Variants in ATL2 observed in about 807,000 individuals in gnomAD.
ATL2 encodes atlastin-2.
Under a neutral mutation model 73.9 loss-of-function variants are expected in ATL2, and 31 were observed. The ratio of observed to expected loss-of-function variants is 0.42; its 90% CI spans 0.32 to 0.57. The LOEUF is 0.57. Among genes scored for constraint, ATL2 ranks in the 20% least tolerant of loss-of-function variants. The probability of loss-of-function intolerance (pLI) is 0.14; values close to 1 mark genes in which losing one functional copy is unlikely to be tolerated. For synonymous variants in ATL2, 291 were observed against 237.5 expected (o/e 1.23, Z -2.07); for missense variants, 738 against 702.6 (o/e 1.05, Z -0.57).
intron 1 of ATL2, among the ~76,000 whole-genome samples, chr2:38,361,076 A>T (rs755157667): frequency 1.3e-5 from 2 of 152,108 alleles, no homozygotes; most frequent in Non-Finnish European, 2.9e-5. Context: ...TCAAGCAGCC[A>T]GGCGCGGTGG....
intron 1 of ATL2, among the ~76,000 whole-genome samples, chr2:38,373,913 C>CA (rs1284365266): frequency 6.6e-6 from 1 of 152,118 alleles, no homozygotes; most frequent in Admixed American, 6.6e-5. Flanking sequence ...ATGGGGGAGA[C>CA]AGAGTTTCGC....
chr2:38,369,207 TG>T (rs1671521638), intron 1 of ATL2, among the ~76,000 whole-genome samples: 1 of 152,088 alleles, frequency 6.6e-6, no homozygotes, highest in Non-Finnish European at 1.5e-5. Flanking sequence ...CCCAGCACTT[TG>T]GGAGGCCAAG....
At chr2:38,376,115 C>G in intron 1 of ATL2, 4 of 1,512,988 alleles carry the variant, frequency 2.6e-6, no homozygotes, top group Non-Finnish European at 3.6e-6. Context: ...GCCGTACTTA[C>G]CAAATCGTAG....
intron 1 of ATL2, among the ~76,000 whole-genome samples, chr2:38,373,544 TGACTTAA>T (rs1318847225): frequency 1.3e-5 from 2 of 152,218 alleles, no homozygotes; most frequent in African/African-American, 4.8e-5. Flanking sequence ...TAGTCTTTTA[TGACTTAA>T]AAGTTGTTTC....
intron 1 of ATL2, among the ~76,000 whole-genome samples, chr2:38,357,581 G>C (rs1471328333): frequency 1.6e-4 from 24 of 150,146 alleles, no homozygotes; most frequent in Non-Finnish European, 3.5e-4. Context: ...GAACCCGGGA[G>C]GCGGAGCTTG....
intron 2 of ATL2, among the ~76,000 whole-genome samples, chr2:38,338,016 G>C (rs748695731): frequency 3.9e-5 from 6 of 152,066 alleles, no homozygotes; most frequent in Non-Finnish European, 8.8e-5. Context: ...CTGATTCCTA[G>C]ATTTCAAACT....
intron 9 of ATL2, among the ~76,000 whole-genome samples, chr2:38,301,023 T>A (rs1298492425): frequency 6.7e-6 from 1 of 150,074 alleles, no homozygotes; most frequent in African/African-American, 2.5e-5. Context: ...CAGGCTGGAG[T>A]GCAACGGCAC....
At chr2:38,326,071 C>CA (rs1668646906) in intron 2 of ATL2, among the ~76,000 whole-genome samples, 1 of 151,906 alleles carries the variant, frequency 6.6e-6, no homozygotes, top group Non-Finnish European at 1.5e-5. Context: ...GACTGTGTCT[C>CA]AAAAAAGAAT....
At chr2:38,356,479 C>T (rs1055319158) in intron 1 of ATL2, among the ~76,000 whole-genome samples, 2 of 152,178 alleles carry the variant, frequency 1.3e-5, no homozygotes, top group African/African-American at 4.8e-5. Context: ...AGGCATGAGC[C>T]ACCACGCCTG....
intron 2 of ATL2, among the ~76,000 whole-genome samples, chr2:38,319,629 G>C (rs983008764): frequency 6.6e-6 from 1 of 151,288 alleles, no homozygotes; most frequent in African/African-American, 2.4e-5. Flanking sequence ...GAGAGAGAGA[G>C]AGAGACAGAG....
At chr2:38,374,720 TAGTTAATC>T (rs948931395) in intron 1 of ATL2, among the ~76,000 whole-genome samples, 2 of 152,214 alleles carry the variant, frequency 1.3e-5, no homozygotes, top group African/African-American at 4.8e-5. Flanking sequence ...ATTATCAAAC[TAGTTAATC>T]AGTCTCCCCG....
chr2:38,344,375 C>T lies in ATL2; in HGVS notation c.119-863G>A, dbSNP rs565075637. Among the ~76,000 whole-genome samples, 150 of 152,208 alleles carry T rather than the reference C, an allele frequency of 9.9e-4. 1 individual carries two copies. The highest frequency in any genetic ancestry group is 3.2e-3 in the African/African-American group (134 of 41,536). On this transcript the variant is annotated intron_variant, in intron 1 of 12. Transcript: ENST00000378954. ...GTGTAATCCCAACACTTTGGGAGGCCGAGGCAGGCAGATCACCTGAGGTCA... is the reference window on the plus strand; with the variant it reads ...GTGTAATCCCAACACTTTGGGAGGCTGAGGCAGGCAGATCACCTGAGGTCA...
intron 1 of ATL2, among the ~76,000 whole-genome samples, chr2:38,350,741 G>A (rs547210427): frequency 1.3e-5 from 2 of 151,826 alleles, no homozygotes; most frequent in East Asian, 3.9e-4. Context: ...GCTTCATATT[G>A]CTGTGAAGCT....
intron 2 of ATL2, among the ~76,000 whole-genome samples, chr2:38,330,027 G>C (rs1668892443): frequency 6.6e-6 from 1 of 151,954 alleles, no homozygotes; most frequent in African/African-American, 2.4e-5. Context: ...TACTGTGGAG[G>C]CTGAGGCAGG....
chr2:38,356,482 C>T (rs1670676438), intron 1 of ATL2, among the ~76,000 whole-genome samples: 1 of 152,126 alleles, frequency 6.6e-6, no homozygotes, highest in Non-Finnish European at 1.5e-5. Context: ...CATGAGCCAC[C>T]ACGCCTGGCC....
At chr2:38,308,514 G>T (rs1202965580) in intron 9 of ATL2, among the ~76,000 whole-genome samples, 5 of 152,030 alleles carry the variant, frequency 3.3e-5, no homozygotes, top group South Asian at 4.1e-4. Flanking sequence ...CAAAAATATA[G>T]TTAGAATAAG....
chr2:38,350,725 A>T (rs1181873413), intron 1 of ATL2, among the ~76,000 whole-genome samples: 2 of 152,146 alleles, frequency 1.3e-5, no homozygotes, highest in Non-Finnish European at 2.9e-5. Flanking sequence ...CGTGAACTAC[A>T]ATTTCGCTTC....
chr2:38,340,229 GTATTTTCA>G (rs1669635846), intron 2 of ATL2, among the ~76,000 whole-genome samples: 1 of 136,888 alleles, frequency 7.3e-6, no homozygotes, highest in South Asian at 2.3e-4. Context: ...GGGTTGTTCT[GTATTTTCA>G]TCTGGATGGT....
intron 6 of ATL2, 55 bp downstream of exon 6, chr2:38,314,553 T>TG (rs1667927933): frequency 7.0e-6 from 9 of 1,279,448 alleles, no homozygotes. Flanking sequence ...CAAACTGAGG[T>TG]GGCTTCACAA....
Sources: allele counts gnomAD v4.1 joint callset (sites outside exome capture counted in the v4.1 genomes callset), GRCh38; gene constraint gnomAD v4.1.1; transcripts MANE v1.5; gene names NCBI Gene and HGNC (gene_info 2026-07-23, HGNC 2026-07-21).